The following MED29 variants were observed in gnomAD, a reference collection of about 807,000 sequenced individuals.
MED29 encodes the protein mediator complex subunit 29, also known as mediator of RNA polymerase II transcription subunit 29.
In MED29, 14 loss-of-function variants were observed where a neutral mutation model predicts 22.0. The observed-to-expected ratio is 0.64, with a 90% CI of 0.42 to 0.99. The LOEUF is 0.99. Among genes scored for constraint, MED29 ranks in the 50% least tolerant of loss-of-function variants. The pLI is 0.00. For missense variants in MED29, 241 were observed against 253.7 expected, an observed-to-expected ratio of 0.95 and a Z score of 0.34; for synonymous variants, 123 against 107.8, an observed-to-expected ratio of 1.14 and a Z score of -0.87.
At chr19:39,392,402 C>G in intron 1 of MED29, 62 bp from the exon 2 acceptor site, 2 of 1,419,080 alleles carry the variant, frequency 1.4e-6, no homozygotes, top group Middle Eastern at 1.8e-4. Context: ...GAGTGTAGAT[C>G]TGCCAGAGGT....
rs2078452283 is a variant in MED29, at chr19:39,399,834, A to G, written c.*2135A>G. 6.6e-6 allele frequency: 1 copy of G among 152,180 alleles called. No homozygotes were observed. Among genetic ancestry groups the G allele is most frequent in the South Asian group, 2.1e-4 (1 of 4,832 alleles). 9.4% of individuals were successfully genotyped at this position (152,180 alleles called of 1,614,324 possible). ...GGCCTGATAGCCCAGCACCCATGATACAGGGCCTACCAATGCTTAAAACCA... is the reference window on the plus strand; with the variant it reads ...GGCCTGATAGCCCAGCACCCATGATGCAGGGCCTACCAATGCTTAAAACCA... On this transcript the variant is annotated 3_prime_UTR_variant, in exon 4 of 4. Coordinates refer to ENST00000315588, the MANE Select transcript of MED29 (RefSeq NM_017592.4).
In MED29 at chr19:39,397,937, A is replaced by G; in HGVS notation, c.*238A>G. 1 of 642,276 alleles carries G rather than the reference A, an allele frequency of 1.6e-6. No homozygotes were observed. The highest frequency in any genetic ancestry group is 2.6e-6 in the Non-Finnish European group (1 of 384,376). The allele number at this position is 642,276 out of a possible 1,614,324, so 39.8% of individuals were successfully genotyped here. On this transcript the variant is annotated 3_prime_UTR_variant, in exon 4 of 4. Transcript: ENST00000315588. ...AGACTTTGAACTGTGTGTGTTGATG[A>G]CTTCTCTGTTCCACAGGCCCTCCCC...
chr19:39,391,397 C>T lies in MED29; in HGVS notation c.-26C>T, dbSNP rs1600620239. 6.2e-7 allele frequency: 1 copy of T among 1,607,110 alleles called. No individual in the cohort carries two copies. Among genetic ancestry groups the T allele is most frequent in the Non-Finnish European group, 8.5e-7 (1 of 1,174,474 alleles). On this transcript the variant is annotated 5_prime_UTR_variant, in exon 1 of 4. Transcript: ENST00000315588. Reference sequence around the variant, plus strand: ...AACGGGGAGAGACGCAGTCGTAACGCACTTCCGGCGGTCTACGCGAGGAAG... The same window carrying T: ...AACGGGGAGAGACGCAGTCGTAACGTACTTCCGGCGGTCTACGCGAGGAAG...
At chr19:39,393,082 T>C (rs1263024134) in intron 2 of MED29, among the ~76,000 whole-genome samples, 1 of 8,858 alleles carries the variant, frequency 1.1e-4, no homozygotes, top group Non-Finnish European at 2.2e-4. Context: ...CTTTCTTTTC[T>C]TTTTTTTTTT....
chr19:39,391,753 T>A, intron 1 of MED29, 115 bp downstream of exon 1: 1 of 1,309,808 alleles, frequency 7.6e-7, no homozygotes, highest in Non-Finnish European at 1.0e-6. Context: ...AACCTGCTGT[T>A]TTGGCCTGGC....
chr19:39,391,396 G>T lies in MED29; in HGVS notation c.-27G>T, dbSNP rs976876407. Reference sequence around the variant, plus strand: ...CAACGGGGAGAGACGCAGTCGTAACGCACTTCCGGCGGTCTACGCGAGGAA... The same window carrying T: ...CAACGGGGAGAGACGCAGTCGTAACTCACTTCCGGCGGTCTACGCGAGGAA... On this transcript the variant is annotated 5_prime_UTR_variant, in exon 1 of 4. Transcript: ENST00000315588. The T allele has an allele frequency of 6.2e-7, 1 of 1,606,808 alleles. No individual in the cohort carries two copies. The highest frequency in any genetic ancestry group is 2.2e-5 in the East Asian group (1 of 44,646).
intron 3 of MED29, among the ~76,000 whole-genome samples, chr19:39,394,860 CTT>C (rs879383765): frequency 7.0e-6 from 1 of 142,178 alleles, no homozygotes. Flanking sequence ...CCACACCCGG[CTT>C]TTTTTTTTTT....
chr19:39,397,654 G>A lies in MED29; in HGVS notation c.558G>A (p.Thr186=), dbSNP rs199808262. The A allele has an allele frequency of 4.1e-5, 66 of 1,612,562 alleles. No homozygotes were observed. The highest frequency in any genetic ancestry group is 2.7e-4 in the East Asian group (12 of 44,884). ...TALLDCANKV[T]GKTPAPPAGP... ...TGCTGGACTGTGCCAACAAGGTCAC[G>A]GGCAAGACACCCGCACCACCTGCTG... The change falls in exon 4 of 4, where the codon ACG becomes ACA. Residue 186 remains threonine, a synonymous_variant. Transcript: ENST00000315588.
At chr19:39,394,776 A>G (rs1432004670) in intron 3 of MED29, among the ~76,000 whole-genome samples, 3 of 149,536 alleles carry the variant, frequency 2.0e-5, no homozygotes, top group Non-Finnish European at 4.4e-5. Flanking sequence ...GTTGGCCAGG[A>G]TGGTCTTGAT....
chr19:39,399,191 G>C lies in MED29; in HGVS notation c.*1492G>C, dbSNP rs1459575813. 6.6e-6 allele frequency: 1 copy of C among 152,256 alleles called. No individual in the cohort carries two copies. Among genetic ancestry groups the C allele is most frequent in the Non-Finnish European group, 1.5e-5 (1 of 68,042 alleles). 9.4% of individuals were successfully genotyped at this position (152,256 alleles called of 1,614,324 possible). ...CAAAACACTTCCATGGCGACAGCTA[G>C]ATGAGTGTTTGAATAACTGGGACTG... is the stretch of plus-strand genomic sequence containing the variant. On this transcript the variant is annotated 3_prime_UTR_variant, in exon 4 of 4. Transcript: ENST00000315588.
intron 3 of MED29, among the ~76,000 whole-genome samples, chr19:39,395,556 T>C (rs10403504): frequency 0.43 from 65,989 of 151,858 alleles, 15,622 homozygotes; most frequent in African/African-American, 0.61. Context: ...GCTTTGTATA[T>C]GGGCCACAGG....
intron 2 of MED29, 55 bp downstream of exon 2, chr19:39,392,577 T>C: frequency 1.3e-6 from 2 of 1,505,212 alleles, no homozygotes; most frequent in East Asian, 2.3e-5. Context: ...TCTTTGAAAT[T>C]CATCTTTCCT....
chr19:39,392,471 T>A lies in MED29; in HGVS notation c.224T>A (p.Met75Lys). ...PQLKESLQTL[M>K]KVAAQNLIQN... The stretch of plus-strand genomic sequence containing the variant: ...TGTTTTTGTTTTGACTAGACCTTGA[T>A]GAAGGTTGCGGCCCAAAACTTGATT... The change falls in exon 2 of 4, where the codon ATG (methionine) becomes AAG (lysine). Residue 75 changes from methionine to lysine, a missense_variant. Met to Lys is a moderately conservative substitution (Grantham distance 95). Transcript: ENST00000315588. 6.2e-7 allele frequency: 1 copy of A among 1,614,136 alleles called. No homozygotes were observed. Among genetic ancestry groups the A allele is most frequent in the Admixed American group, 1.7e-5 (1 of 60,006 alleles).
At chr19:39,393,161 T>A (rs2078408502) in intron 2 of MED29, among the ~76,000 whole-genome samples, 1 of 136,326 alleles carries the variant, frequency 7.3e-6, no homozygotes. Flanking sequence ...AGTGGTGTAG[T>A]CTCAGCTCAC....
intron 2 of MED29, among the ~76,000 whole-genome samples, chr19:39,393,081 CTTTTTTTTTTTTTTTTTT>C (rs142198224): frequency 5.8e-5 from 2 of 34,712 alleles, no homozygotes; most frequent in Non-Finnish European, 1.1e-4. Flanking sequence ...TCTTTCTTTT[CTTTTTTTTTTTTTTTTTT>C]TTTTTTTTTT....
At chr19:39,391,746 C>T in intron 1 of MED29, 108 bp downstream of exon 1, 1 of 1,362,546 alleles carries the variant, frequency 7.3e-7, no homozygotes, top group Non-Finnish European at 9.8e-7. Context: ...GGAATAGAAC[C>T]TGCTGTTTTG....
rs755474299 is a variant in MED29 at position 39,392,530 on chromosome 19, C to T, written c.275+8C>T. 1.2e-6 allele frequency: 2 copies of T among 1,612,982 alleles called. No homozygotes were observed. Among genetic ancestry groups the T allele is most frequent in the Non-Finnish European group, 1.7e-6 (2 of 1,179,084 alleles). On this transcript the variant is annotated splice_region_variant and intron_variant, in intron 2 of 3. Transcript: ENST00000315588. ...TAACATCGACAATGGACAGTGAGTG[C>T]AGCCCCCTTTACCAGGATATTCTAT...
chr19:39,393,010 A>G (rs2078403684), intron 2 of MED29, among the ~76,000 whole-genome samples: 1 of 150,370 alleles, frequency 6.7e-6, no homozygotes, highest in African/African-American at 2.5e-5. Context: ...TTGGCCTCCC[A>G]AAGTGCTGGG....
intron 1 of MED29, among the ~76,000 whole-genome samples, 195 bp from the exon 2 acceptor site, chr19:39,392,269 G>C (rs946397439): frequency 1.3e-5 from 2 of 152,130 alleles, no homozygotes; most frequent in African/African-American, 4.8e-5. Flanking sequence ...GCTCAGGTGA[G>C]AGCGGGCCTC....
Sources: allele counts gnomAD v4.1 joint callset (sites outside exome capture counted in the v4.1 genomes callset), GRCh38; gene constraint gnomAD v4.1.1; transcripts MANE v1.5; gene names NCBI Gene and HGNC (gene_info 2026-07-23, HGNC 2026-07-21).